The following MBD5 variants were observed in gnomAD, a reference collection of about 807,000 sequenced individuals.
MBD5 encodes the protein methyl-CpG binding domain protein 5.
In MBD5, 13 loss-of-function variants were observed where a neutral mutation model predicts 117.3. That is an observed-to-expected ratio of 0.11 (90% CI 0.07 to 0.18). MBD5 has a LOEUF of 0.18. Ranked by LOEUF, MBD5 falls within the 10% of genes least tolerant of loss-of-function variation. MBD5 has a pLI of 1.00. For synonymous variants in MBD5, 727 were observed against 766.4 expected, an observed-to-expected ratio of 0.95 and a Z score of 0.85; for missense variants, 1,879 against 2,093.8, an observed-to-expected ratio of 0.90 and a Z score of 2.00.
intron 4 of MBD5, among the ~76,000 whole-genome samples, chr2:148,377,832 G>T (rs180673406): frequency 1.6e-4 from 25 of 152,210 alleles, no homozygotes; most frequent in Admixed American, 1.6e-3. Flanking sequence ...CCTACAAGAA[G>T]GTAAAGAAGA....
chr2:148,384,876 T>G (rs1406555480), intron 4 of MBD5, among the ~76,000 whole-genome samples: 1 of 151,618 alleles, frequency 6.6e-6, no homozygotes, highest in African/African-American at 2.4e-5. Flanking sequence ...ATTCCCTATT[T>G]AATAAATGGT....
chr2:148,405,338 T>A (rs1267639652), intron 4 of MBD5, among the ~76,000 whole-genome samples: 1 of 152,216 alleles, frequency 6.6e-6, no homozygotes, highest in Non-Finnish European at 1.5e-5. Context: ...TAACGAGTAC[T>A]ACACGAGTGC....
At chr2:148,427,153 C>T (rs1343541269) in intron 4 of MBD5, among the ~76,000 whole-genome samples, 1 of 152,122 alleles carries the variant, frequency 6.6e-6, no homozygotes, top group East Asian at 1.9e-4. Flanking sequence ...CAGGAAACAA[C>T]AGGTGCTGGA....
intron 2 of MBD5, among the ~76,000 whole-genome samples, chr2:148,190,921 G>A (rs200038840): frequency 0.35 from 43,855 of 125,658 alleles, 8,599 homozygotes; most frequent in South Asian, 0.47. Context: ...GATCTACCAA[G>A]CAAATGGAAA....
At chr2:148,479,751 A>G (rs1470049888) in intron 8 of MBD5, among the ~76,000 whole-genome samples, 1 of 146,968 alleles carries the variant, frequency 6.8e-6, no homozygotes, top group Non-Finnish European at 1.5e-5. Flanking sequence ...TTGCTTCTGC[A>G]TAGAGGCCCT....
At chr2:148,330,381 A>G (rs1478851993) in intron 3 of MBD5, 1 of 152,140 alleles carries the variant, frequency 6.6e-6, no homozygotes, top group Non-Finnish European at 1.5e-5. Context: ...AAGATTTCCA[A>G]AGGAAAATCC....
Position 148,476,462 on chromosome 2 carries a change from T to A in MBD5, c.2518+6001T>A, listed in dbSNP as rs192017225. Among the ~76,000 whole-genome samples the A allele has an allele frequency of 2.7e-3, 411 of 152,308 alleles. 2 individuals carry two copies. Among genetic ancestry groups the A allele is most frequent in the African/African-American group, 9.7e-3 (402 of 41,568 alleles). ...TTATCTTATTCTATTTGGTATTTTT[T>A]AATAACAGCCATGACTCACTGAAAT... On this transcript the variant is annotated intron_variant, in intron 8 of 13. Transcript: ENST00000642680.
chr2:148,401,750 T>G (rs1380341717), intron 4 of MBD5, among the ~76,000 whole-genome samples: 1 of 152,152 alleles, frequency 6.6e-6, no homozygotes, highest in Non-Finnish European at 1.5e-5. Context: ...CTAAAGGCTT[T>G]CTTTTCATTT....
At chr2:148,147,430 C>T (rs972776362) in intron 1 of MBD5, among the ~76,000 whole-genome samples, 13 of 151,046 alleles carry the variant, frequency 8.6e-5, no homozygotes, top group Non-Finnish European at 1.2e-4. Flanking sequence ...TTAGTAGAGA[C>T]GAGGTTTCAC....
intron 4 of MBD5, among the ~76,000 whole-genome samples, chr2:148,363,345 G>A (rs1214679766): frequency 2.6e-5 from 4 of 152,074 alleles, no homozygotes; most frequent in African/African-American, 4.8e-5. Context: ...CCATTCTCCT[G>A]CCTCAGCCTC....
chr2:148,464,000 C>T (rs1169400392), intron 7 of MBD5, 81 bp downstream of exon 7: 1 of 1,437,172 alleles, frequency 7.0e-7, no homozygotes, highest in African/African-American at 1.4e-5. Flanking sequence ...CTAGCATTTT[C>T]TCATTCTACT....
chr2:148,382,064 A>C (rs1001190892), intron 4 of MBD5, among the ~76,000 whole-genome samples: 18 of 152,284 alleles, frequency 1.2e-4, no homozygotes, highest in Non-Finnish European at 2.4e-4. Context: ...CGAGCGAAAT[A>C]ACCAGCTAAC....
At chr2:148,151,845 C>A (rs150060309) in intron 1 of MBD5, among the ~76,000 whole-genome samples, 8 of 151,610 alleles carry the variant, frequency 5.3e-5, no homozygotes, top group African/African-American at 7.3e-5. Flanking sequence ...TTTCTTTATT[C>A]GTCTTGCTAG....
intron 3 of MBD5, 125 bp downstream of exon 3, chr2:148,233,520 T>C (rs1162349680): frequency 3.9e-5 from 6 of 152,188 alleles, no homozygotes; most frequent in Non-Finnish European, 8.8e-5. Context: ...TGTATGCATG[T>C]CTTTTTCTTT....
intron 1 of MBD5, among the ~76,000 whole-genome samples, chr2:148,033,757 T>TC (rs1368516478): frequency 1.3e-5 from 2 of 152,200 alleles, no homozygotes; most frequent in African/African-American, 2.4e-5. Context: ...TGAAGGTACT[T>TC]CATCAGGTGA....
chr2:148,289,425 G>A (rs1003750535), intron 3 of MBD5, among the ~76,000 whole-genome samples: 4 of 152,200 alleles, frequency 2.6e-5, no homozygotes, highest in South Asian at 2.1e-4. Flanking sequence ...CCAGAAACAG[G>A]TATTTTCTTA....
intron 1 of MBD5, among the ~76,000 whole-genome samples, chr2:148,041,803 T>TA (rs1694366521): frequency 6.6e-6 from 1 of 152,176 alleles, no homozygotes; most frequent in South Asian, 2.1e-4. Flanking sequence ...TCCAAAAACG[T>TA]AAAAATCCTT....
intron 1 of MBD5, among the ~76,000 whole-genome samples, chr2:148,087,541 A>C (rs915362996): frequency 6.6e-6 from 1 of 152,006 alleles, no homozygotes; most frequent in Non-Finnish European, 1.5e-5. Flanking sequence ...GCATCACAGG[A>C]CTCTTTGCAG....
intron 4 of MBD5, among the ~76,000 whole-genome samples, chr2:148,422,268 C>T (rs576709709): frequency 6.6e-6 from 1 of 152,316 alleles, no homozygotes; most frequent in Non-Finnish European, 1.5e-5. Context: ...TCTGAAGCCT[C>T]TGCTGGTGAT....
Sources: gnomAD v4.1 joint callset for allele counts (sites outside exome capture counted in the v4.1 genomes callset) on GRCh38, gnomAD v4.1.1 for gene constraint, MANE v1.5 for transcripts, NCBI Gene and HGNC (gene_info 2026-07-23, HGNC 2026-07-21) for gene names.